Variants in NCK2 observed in about 807,000 individuals in gnomAD.
NCK2 encodes cytoplasmic protein NCK2.
NCK2 carries 16 observed loss-of-function variants against 33.9 expected under a neutral mutation model. The ratio of observed to expected loss-of-function variants is 0.47; its 90% CI spans 0.32 to 0.72. The LOEUF is 0.72. Among genes scored for constraint, NCK2 ranks in the 30% least tolerant of loss-of-function variants. NCK2 has a pLI of 0.03. For synonymous variants in NCK2, 273 were observed against 239.9 expected (o/e 1.14, Z -1.27); for missense variants, 418 against 537.3 (o/e 0.78, Z 2.19).
chr2:105,749,565 T>C (rs997136), intron 1 of NCK2, among the ~76,000 whole-genome samples: 76,506 of 152,000 alleles, frequency 0.5, 21,468 homozygotes, highest in Middle Eastern at 0.68. Context: ...CTGCAGGCCA[T>C]ACATGAGGAA....
chr2:105,776,729 C>A (rs1231089453), intron 1 of NCK2, among the ~76,000 whole-genome samples: 1 of 152,164 alleles, frequency 6.6e-6, no homozygotes, highest in East Asian at 1.9e-4. Flanking sequence ...TTAGTCCAGG[C>A]TCCGGGCTCC....
At chr2:105,861,854 G>A (rs1172567763) in intron 3 of NCK2, among the ~76,000 whole-genome samples, 1 of 151,390 alleles carries the variant, frequency 6.6e-6, no homozygotes, top group Non-Finnish European at 1.5e-5. Flanking sequence ...CTTACCACAA[G>A]AATCATGCTC....
intron 1 of NCK2, among the ~76,000 whole-genome samples, chr2:105,781,644 A>G (rs1254831638): frequency 1.3e-5 from 2 of 152,232 alleles, no homozygotes; most frequent in African/African-American, 4.8e-5. Flanking sequence ...TGGAGAAAAT[A>G]GCAGTCTTGT....
chr2:105,751,443 C>T (rs1047353235), intron 1 of NCK2, among the ~76,000 whole-genome samples: 8 of 152,290 alleles, frequency 5.3e-5, no homozygotes, highest in South Asian at 2.1e-4. Context: ...GGCTCTCCAT[C>T]GTACTTGGGT....
At position 105,745,007 on chromosome 2, in the gene NCK2, C is replaced by G. The variant is rs1689221309; in HGVS notation, c.-332C>G. On this transcript the variant is annotated 5_prime_UTR_variant, in exon 1 of 5. Transcript: ENST00000233154. ...CCCGGGCCGGCAGGGTCCGCCCGGG[C>G]CGGCAGCGTCCGCCCGGCGGCGGGA... is the stretch of plus-strand genomic sequence containing the variant. 7.2e-6 allele frequency: 1 copy of G among 139,662 alleles called. No homozygotes were observed. 8.7% of individuals were successfully genotyped at this position (139,662 alleles called of 1,614,324 possible).
At chr2:105,821,294 C>T (rs1166126741) in intron 2 of NCK2, among the ~76,000 whole-genome samples, 2 of 152,190 alleles carry the variant, frequency 1.3e-5, no homozygotes, top group Non-Finnish European at 2.9e-5. Context: ...AAGCCCAGTG[C>T]TCAGTCATTA....
chr2:105,800,586 T>C (rs1001776774), intron 1 of NCK2, among the ~76,000 whole-genome samples: 1 of 152,100 alleles, frequency 6.6e-6, no homozygotes, highest in African/African-American at 2.4e-5. Flanking sequence ...CCAGCTGACA[T>C]GGGGTTAGTC....
At chr2:105,820,910 G>A (rs138451161) in intron 2 of NCK2, among the ~76,000 whole-genome samples, 22 of 152,292 alleles carry the variant, frequency 1.4e-4, no homozygotes, top group Non-Finnish European at 2.4e-4. Flanking sequence ...TTCACAAACC[G>A]AGTCAGTTGG....
chr2:105,818,171 C>T (rs897507272), intron 2 of NCK2, among the ~76,000 whole-genome samples: 19 of 149,942 alleles, frequency 1.3e-4, no homozygotes, highest in Middle Eastern at 3.4e-3. Context: ...AGCAAACTAT[C>T]GCAAGGACAA....
chr2:105,867,365 A>G (rs1428277067), intron 3 of NCK2, among the ~76,000 whole-genome samples: 2 of 152,232 alleles, frequency 1.3e-5, no homozygotes, highest in East Asian at 1.9e-4. Flanking sequence ...AAGATTGTTC[A>G]TAATAGGAAG....
chr2:105,882,983 A>C (rs114777940), intron 4 of NCK2, among the ~76,000 whole-genome samples: 3,245 of 152,262 alleles, frequency 0.021, 49 homozygotes, highest in Middle Eastern at 0.041. Flanking sequence ...ACAATGAATA[A>C]GTGCTCATTC....
At chr2:105,781,124 T>G (rs1018575684) in intron 1 of NCK2, among the ~76,000 whole-genome samples, 11 of 151,094 alleles carry the variant, frequency 7.3e-5, no homozygotes, top group Non-Finnish European at 1.3e-4. Flanking sequence ...CAGATCTAAT[T>G]GTTTTACTTC....
chr2:105,745,264 C>G (rs1185977081), intron 1 of NCK2, 126 bp downstream of exon 1: 3 of 151,544 alleles, frequency 2.0e-5, no homozygotes, highest in Non-Finnish European at 2.9e-5. Context: ...CGGGTCCCCT[C>G]CGCGCCCCTC....
chr2:105,823,371 C>T lies in NCK2; in HGVS notation c.-17+6758C>T, dbSNP rs149673311. On this transcript the variant is annotated intron_variant, in intron 2 of 4. Transcript: ENST00000233154. Reference sequence around the variant, plus strand: ...TGTGGGAGGGGAGTGTGTCCCAGTGCCCTTGTGCTCCCCATTCCCGTGCTG... The same window carrying T: ...TGTGGGAGGGGAGTGTGTCCCAGTGTCCTTGTGCTCCCCATTCCCGTGCTG... 1.7e-4 allele frequency among the ~76,000 whole-genome samples: 26 copies of T among 151,956 alleles called. No individual in the cohort carries two copies. In the East Asian group the frequency reaches 5.0e-3, roughly 29 times the overall value.
chr2:105,881,019 C>T (rs1678454725), intron 3 of NCK2, among the ~76,000 whole-genome samples: 1 of 148,734 alleles, frequency 6.7e-6, no homozygotes, highest in South Asian at 2.1e-4. Flanking sequence ...CTCCTGGCCT[C>T]AAGCAATCTT....
intron 2 of NCK2, among the ~76,000 whole-genome samples, chr2:105,827,189 C>T (rs546048839): frequency 9.9e-5 from 15 of 152,016 alleles, no homozygotes; most frequent in African/African-American, 3.1e-4. Flanking sequence ...TTAGTAGAGA[C>T]GGGGTTTCAC....
intron 2 of NCK2, among the ~76,000 whole-genome samples, chr2:105,853,551 T>G (rs2104579644): frequency 6.6e-6 from 1 of 152,340 alleles, no homozygotes; most frequent in Non-Finnish European, 1.5e-5. Context: ...CCCTTCCCTC[T>G]TGCCCCAGGC....
chr2:105,814,740 G>T (rs1675422421), intron 1 of NCK2, among the ~76,000 whole-genome samples: 2 of 152,146 alleles, frequency 1.3e-5, no homozygotes, highest in South Asian at 4.1e-4. Context: ...GTACATTTGG[G>T]CATTAGAATC....
chr2:105,826,668 G>A (rs1031786236), intron 2 of NCK2, among the ~76,000 whole-genome samples: 2 of 152,250 alleles, frequency 1.3e-5, no homozygotes, highest in South Asian at 2.1e-4. Flanking sequence ...CTGGATTTGG[G>A]TCATTACTGA....
Sources: gnomAD v4.1 joint callset for allele counts (sites outside exome capture counted in the v4.1 genomes callset) on GRCh38, gnomAD v4.1.1 for gene constraint, MANE v1.5 for transcripts, NCBI Gene and HGNC (gene_info 2026-07-23, HGNC 2026-07-21) for gene names.